The following PADI6 variants were observed in gnomAD, a reference collection of about 807,000 sequenced individuals.
PADI6 encodes the protein peptidyl arginine deiminase 6.
In PADI6, 66 loss-of-function variants were observed where a neutral mutation model predicts 78.2. That is an observed-to-expected ratio of 0.84 (90% CI 0.69 to 1.04). The LOEUF (loss-of-function observed/expected upper bound fraction) is 1.04. Among genes scored for constraint, PADI6 ranks in the 50% least tolerant of loss-of-function variants. The pLI is 0.00. For synonymous variants in PADI6, 397 were observed against 346.9 expected (o/e 1.14, Z -1.60); for missense variants, 854 against 866.1 (o/e 0.99, Z 0.18).
chr1:17,381,913 C>T, intron 5 of PADI6, 54 bp from the exon 6 acceptor site: 1 of 1,608,142 alleles, frequency 6.2e-7, no homozygotes, highest in East Asian at 2.2e-5. Context: ...TCCCTCCACC[C>T]CCAGAGTGCT....
intron 6 of PADI6, among the ~76,000 whole-genome samples, chr1:17,382,348 G>A (rs2075080671): frequency 6.6e-6 from 1 of 152,230 alleles, no homozygotes; most frequent in Admixed American, 6.5e-5. Flanking sequence ...GGGTAGCTGT[G>A]CCTTCCCTGC....
At chr1:17,400,877 G>A (rs1464990330) in intron 15 of PADI6, among the ~76,000 whole-genome samples, 1 of 152,272 alleles carries the variant, frequency 6.6e-6, no homozygotes, top group East Asian at 1.9e-4. Context: ...CAAAAGATGC[G>A]CAGCAGTCAA....
chr1:17,397,478 C>T (rs889134336), intron 14 of PADI6, among the ~76,000 whole-genome samples: 7 of 152,070 alleles, frequency 4.6e-5, no homozygotes, highest in East Asian at 1.9e-4. Flanking sequence ...CAGGGAGGAG[C>T]GCCATGGCAT....
intron 3 of PADI6, 122 bp from the exon 4 acceptor site, chr1:17,379,798 C>A: frequency 1.3e-6 from 1 of 749,246 alleles, no homozygotes; most frequent in South Asian, 1.7e-5. Context: ...AAGCTGATAG[C>A]ATGCCAGAAA....
Position 17,401,412 on chromosome 1 carries a change from T to C in PADI6, c.2059T>C (p.Phe687Leu). ...CAACATCCGCCGGGTGCCCTTTGCCTTCAAATGGTGGAAGATGGTACCTTA... is the reference window on the plus strand; with the variant it reads ...CAACATCCGCCGGGTGCCCTTTGCCCTCAAATGGTGGAAGATGGTACCTTA... ...CANIRRVPFA[F>L]KWWKMVP Residue 687 changes from phenylalanine to leucine, a missense_variant, in exon 16 of 16, where the codon TTC becomes CTC. Physicochemically the swap from Phe to Leu is conservative, Grantham distance 22 (BLOSUM62 0). Coordinates refer to ENST00000619609, the MANE Select transcript of PADI6 (RefSeq NM_207421.4). 3 of 1,614,022 alleles carry C rather than the reference T, an allele frequency of 1.9e-6. No individual in the cohort carries two copies. Among genetic ancestry groups the C allele is most frequent in the Non-Finnish European group, 2.5e-6 (3 of 1,179,896 alleles).
At chr1:17,386,328 GA>G (rs2075119330) in intron 6 of PADI6, among the ~76,000 whole-genome samples, 1 of 152,338 alleles carries the variant, frequency 6.6e-6, no homozygotes, top group East Asian at 1.9e-4. Flanking sequence ...CTATCTGTGA[GA>G]GGGGCCCCCA....
rs544021502 is a variant in PADI6 at position 17,398,637 on chromosome 1, G to A, written c.1690-49G>A. ...GGAAACTGGTTTTAATTCCTGATGA[G>A]CTCTCCTTGCTCCCCCGCCCCCCCC... On this transcript the variant is annotated intron_variant, in intron 14 of 15. Transcript: ENST00000619609. 8.0e-6 allele frequency: 8 copies of A among 994,554 alleles called. No homozygotes were observed. The African/African-American group carries it at 1.2e-4, about 15-fold the overall frequency. 61.6% of individuals were successfully genotyped at this position (994,554 alleles called of 1,614,324 possible). A position where few individuals can be genotyped will look rare whatever the true frequency, so the allele number is the denominator to read the frequency against.
chr1:17,397,587 CCT>C (rs1414841971), intron 14 of PADI6, among the ~76,000 whole-genome samples: 1 of 152,128 alleles, frequency 6.6e-6, no homozygotes, highest in African/African-American at 2.4e-5. Context: ...CTGGGAAAGC[CCT>C]GATTATCCAG....
intron 14 of PADI6, among the ~76,000 whole-genome samples, 192 bp downstream of exon 14, chr1:17,397,333 G>C (rs2075256911): frequency 6.6e-6 from 1 of 152,178 alleles, no homozygotes; most frequent in African/African-American, 2.4e-5. Context: ...AATGTAGGGA[G>C]ACTAGAGGAG....
rs886535236 is a variant in PADI6, at chr1:17,387,463, G to T, written c.680-918G>T. ...CCACCTCAAAAAAGAAAAGGAGGGG[G>T]GGGGGCCAGGCGTGGTAGCTCACAC... On this transcript the variant is annotated intron_variant, in intron 6 of 15. Coordinates refer to ENST00000619609, the MANE Select transcript of PADI6 (RefSeq NM_207421.4). Among the ~76,000 whole-genome samples, 64 of 151,550 alleles carry T rather than the reference G, an allele frequency of 4.2e-4. 1 individual carries two copies. Among genetic ancestry groups the T allele is most frequent in the African/African-American group, 1.2e-3 (50 of 41,290 alleles).
In PADI6 at chr1:17,384,208, G is replaced by A. The variant is rs547191363; in HGVS notation, c.679+2116G>A. Among the ~76,000 whole-genome samples, 17 of 152,150 alleles carry A rather than the reference G, an allele frequency of 1.1e-4. No individual in the cohort carries two copies. The South Asian group carries it at 3.3e-3, about 30-fold the overall frequency. ...TGTTATGTTTTAACAAGCCTTCCAG[G>A]TGACTCTGAAACATGCTAAAGCTTG... On this transcript the variant is annotated intron_variant, in intron 6 of 15. Transcript: ENST00000619609.
Position 17,388,831 on chromosome 1 carries a change from T to A in PADI6, c.913T>A (p.Cys305Ser). ...CACGGTGGTGTTCCGGGTGGCTCCC[T>A]GTGTCTTCATTCCCTGTACCCAGGT... ...KDTVVFRVAP[C>S]VFIPCTQVPL... Residue 305 changes from cysteine (C) to serine (S), a missense_variant, in exon 8 of 16, where the codon TGT becomes AGT. Physicochemically the swap from Cys to Ser is moderately radical, Grantham distance 112 (BLOSUM62 -1). Transcript: ENST00000619609. 6.2e-7 allele frequency: 1 copy of A among 1,613,810 alleles called. No homozygotes were observed. The highest frequency in any genetic ancestry group is 8.5e-7 in the Non-Finnish European group (1 of 1,179,850).
chr1:17,378,598 G>A (rs1315493008), intron 3 of PADI6, among the ~76,000 whole-genome samples: 3 of 151,996 alleles, frequency 2.0e-5, no homozygotes, highest in Non-Finnish European at 4.4e-5. Flanking sequence ...CCTTAAGTGT[G>A]TTTTTTTGTT....
Position 17,382,084 on chromosome 1 carries a change from G to A in PADI6, c.671G>A (p.Trp224Ter). ...KEESKKARVY[W>*]PQKDNSSTFE... is the part of the protein sequence containing the mutation. ...GAGTCGAAGAAGGCGAGAGTCTACT[G>A]GCCCCAAAGTGAGTGTTCTTGTGCC... Residue 224 changes from tryptophan (W) to a stop codon, truncating the protein, a stop_gained, in exon 6 of 16, where the codon TGG (tryptophan) becomes TAG (stop). Transcript: ENST00000619609. LOFTEE classifies it high-confidence loss of function. The A allele has an allele frequency of 4.3e-6, 7 of 1,613,746 alleles. No individual in the cohort carries two copies. Among genetic ancestry groups the A allele is most frequent in the Non-Finnish European group, 5.1e-6 (6 of 1,179,782 alleles).
At position 17,372,315 on chromosome 1, in the gene PADI6, C is replaced by T. The variant is rs376176143; in HGVS notation, c.70C>T (p.His24Tyr). ...IIHLSLDSPV[H>Y]AVCVLGTEIC... ...CCACCTGTCCCTGGACAGCCCTGTC[C>T]ATGCCGTTTGTGTGTTGGGCACAGA... The change falls in exon 1 of 16, where the codon CAT becomes TAT. Residue 24 changes from histidine (H) to tyrosine (Y), a missense_variant. By Grantham distance (83) the His-to-Tyr change is moderately conservative. Transcript: ENST00000619609. 70 of 1,613,878 alleles carry T rather than the reference C, an allele frequency of 4.3e-5. No individual in the cohort carries two copies. The highest frequency in any genetic ancestry group is 5.0e-5 in the Non-Finnish European group (59 of 1,179,884).
intron 6 of PADI6, among the ~76,000 whole-genome samples, chr1:17,387,604 T>C (rs1414597135): frequency 4.0e-5 from 6 of 151,698 alleles, no homozygotes; most frequent in Non-Finnish European, 7.4e-5. Flanking sequence ...TACAAAAAAT[T>C]AGCCAGGCGT....
At chr1:17,395,938 G>A (rs531437797) in intron 13 of PADI6, among the ~76,000 whole-genome samples, 2 of 152,326 alleles carry the variant, frequency 1.3e-5, no homozygotes, top group East Asian at 1.9e-4. Flanking sequence ...GGGAAAACGG[G>A]TGTTAACAAT....
Position 17,394,947 on chromosome 1 carries a change from C to T in PADI6, c.1338-4C>T. On this transcript the variant is annotated splice_polypyrimidine_tract_variant and splice_region_variant and intron_variant, in intron 11 of 15. Coordinates refer to ENST00000619609, the MANE Select transcript of PADI6 (RefSeq NM_207421.4). The stretch of plus-strand genomic sequence containing the variant: ...AAGAGCTGTTCTTTCCATCTTCCTT[C>T]TAGCGCAGAGGGCCGGGCCATGAGT... The T allele has an allele frequency of 1.2e-6, 2 of 1,607,274 alleles. No homozygotes were observed. The highest frequency in any genetic ancestry group is 1.7e-6 in the Non-Finnish European group (2 of 1,177,582).
chr1:17,372,463 C>T, intron 1 of PADI6, 102 bp downstream of exon 1: 2 of 1,093,694 alleles, frequency 1.8e-6, no homozygotes, highest in Non-Finnish European at 1.4e-6. Flanking sequence ...TCTCTAGCCT[C>T]ACTATCCTGC....
Sources: gnomAD v4.1 joint callset for allele counts (sites outside exome capture counted in the v4.1 genomes callset) on GRCh38, gnomAD v4.1.1 for gene constraint, MANE v1.5 for transcripts, NCBI Gene and HGNC (gene_info 2026-07-23, HGNC 2026-07-21) for gene names.